The following FBXO16 variants were observed in gnomAD, a reference collection of about 807,000 sequenced individuals.
FBXO16 encodes the protein F-box protein 16, also known as F-box only protein 16.
FBXO16 carries 31 observed loss-of-function variants against 41.0 expected under a neutral mutation model. That is an observed-to-expected ratio of 0.76 (90% CI 0.57 to 1.02). The LOEUF (loss-of-function observed/expected upper bound fraction) is 1.02, where lower values mean the gene tolerates loss of function less well. Ranked by LOEUF, FBXO16 falls within the 50% of genes least tolerant of loss-of-function variation. The pLI, the probability that FBXO16 is intolerant of heterozygous loss-of-function variation, is 0.00. For missense variants in FBXO16, 361 were observed against 346.2 expected (o/e 1.04, Z -0.34); for synonymous variants, 133 against 117.8 (o/e 1.13, Z -0.84).
At position 28,488,973 on chromosome 8, in the gene FBXO16, C is replaced by T. The variant is rs529043409; in HGVS notation, c.-17+1213G>A. On this transcript the variant is annotated intron_variant, in intron 1 of 8. Coordinates refer to ENST00000380254, the MANE Select transcript of FBXO16 (RefSeq NM_172366.4). ...TTGGCTTATGTGGTTTTCTGATGCT[C>T]ACTGCTCACCTGAATCATCACAGTA... 2.1e-5 allele frequency among the ~76,000 whole-genome samples: 3 copies of T among 144,758 alleles called. No individual in the cohort carries two copies. The East Asian group carries it at 6.1e-4, about 30-fold the overall frequency. The allele number at this position is 144,758 out of a possible 152,430, so 95.0% of individuals were successfully genotyped here.
intron 2 of FBXO16, among the ~76,000 whole-genome samples, chr8:28,481,983 T>C (rs1189455203): frequency 6.6e-6 from 1 of 152,154 alleles, no homozygotes; most frequent in East Asian, 1.9e-4. Context: ...CTGGGCTCAC[T>C]GTTCCTCAGC....
chr8:28,448,340 CAAAAAAAAAAAA>C (rs56323338), intron 6 of FBXO16, among the ~76,000 whole-genome samples: 1 of 49,914 alleles, frequency 2.0e-5, no homozygotes, highest in African/African-American at 6.6e-5. Flanking sequence ...GACCCTAAAT[CAAAAAAAAAAAA>C]AAAAAAAAGA....
At chr8:28,463,300 GTGTT>G (rs1314988477) in intron 4 of FBXO16, among the ~76,000 whole-genome samples, 23 of 150,324 alleles carry the variant, frequency 1.5e-4, no homozygotes, top group South Asian at 2.1e-4. Flanking sequence ...ATGTTTGTGT[GTGTT>G]TGTGTGTGTG....
intron 7 of FBXO16, among the ~76,000 whole-genome samples, chr8:28,444,653 A>AT (rs201349940): frequency 0.08 from 11,745 of 147,416 alleles, 1,436 homozygotes; most frequent in African/African-American, 0.26. Context: ...AATTTTTTGT[A>AT]TTTTTTTTAG....
At chr8:28,466,572 A>C (rs1803245365) in intron 3 of FBXO16, among the ~76,000 whole-genome samples, 1 of 151,770 alleles carries the variant, frequency 6.6e-6, no homozygotes, top group South Asian at 2.1e-4. Flanking sequence ...TGGGTGGATC[A>C]CGAAGTCAGG....
chr8:28,460,223 GTGTATATA>G lies in FBXO16; in HGVS notation c.343-3301_343-3294del, dbSNP rs144349099. On this transcript the variant is annotated intron_variant, in intron 4 of 8. Coordinates refer to ENST00000380254, the MANE Select transcript of FBXO16 (RefSeq NM_172366.4). ...CATACAGTAACAAATATATATGTGT[GTGTATATA>G]TATATATATATATATTTTTTTTTTT... is the stretch of plus-strand genomic sequence containing the variant. Among the ~76,000 whole-genome samples, 120 of 89,784 alleles carry G rather than the reference GTGTATATA, an allele frequency of 1.3e-3. 2 individuals are homozygous for G. The highest frequency in any genetic ancestry group is 6.6e-3 in the African/African-American group (118 of 17,908). The allele number at this position is 89,784 out of a possible 152,430, so 58.9% of individuals were successfully genotyped here. A position where few individuals can be genotyped will look rare whatever the true frequency, so the allele number is the denominator to read the frequency against.
At chr8:28,441,288 C>CT (rs1428536272) in intron 7 of FBXO16, among the ~76,000 whole-genome samples, 1 of 152,164 alleles carries the variant, frequency 6.6e-6, no homozygotes, top group Non-Finnish European at 1.5e-5. Flanking sequence ...CCCCTAATCT[C>CT]TAGACCAGCA....
intron 4 of FBXO16, among the ~76,000 whole-genome samples, chr8:28,462,756 AAG>A (rs1385370692): frequency 6.6e-6 from 1 of 152,190 alleles, no homozygotes; most frequent in Non-Finnish European, 1.5e-5. Flanking sequence ...TTACTTGTAA[AAG>A]AAAAAAACAG....
chr8:28,475,798 CT>C (rs1803414382), intron 2 of FBXO16, among the ~76,000 whole-genome samples: 1 of 152,192 alleles, frequency 6.6e-6, no homozygotes, highest in Non-Finnish European at 1.5e-5. Context: ...AACCATTTTG[CT>C]GATTGACTAA....
intron 7 of FBXO16, among the ~76,000 whole-genome samples, chr8:28,442,949 G>T: frequency 6.6e-6 from 1 of 152,014 alleles, no homozygotes; most frequent in Admixed American, 6.5e-5. Context: ...GTAATGACAG[G>T]CAAAAAGGGA....
chr8:28,439,572 T>C (rs1318088153), intron 7 of FBXO16, among the ~76,000 whole-genome samples: 1 of 151,912 alleles, frequency 6.6e-6, no homozygotes, highest in Non-Finnish European at 1.5e-5. Flanking sequence ...ACCCTGTCTC[T>C]ACAAAAAATA....
chr8:28,429,250 T>G, intron 8 of FBXO16, 128 bp downstream of exon 8: 15 of 1,033,856 alleles, frequency 1.5e-5, no homozygotes, highest in Non-Finnish European at 2.0e-5. Context: ...CCCAAAGTGC[T>G]GAGATTATCA....
chr8:28,475,976 C>T (rs1803417187), intron 2 of FBXO16, among the ~76,000 whole-genome samples: 1 of 152,206 alleles, frequency 6.6e-6, no homozygotes, highest in Non-Finnish European at 1.5e-5. Flanking sequence ...TTCAGCTCAA[C>T]ACTGCACTTG....
Position 28,456,932 on chromosome 8 carries a change from T to C in FBXO16, c.343-2A>G. ...AAGGTTCTTCCAATGCCAGCACACC[T>C]GGAAAAACAATTACAATTAAACAAA... is the stretch of plus-strand genomic sequence containing the variant. On this transcript the variant is annotated splice_acceptor_variant, in intron 4 of 8. Transcript: ENST00000380254. LOFTEE classifies it high-confidence loss of function. The C allele has an allele frequency of 6.2e-7, 1 of 1,610,300 alleles. No individual in the cohort carries two copies. The highest frequency in any genetic ancestry group is 1.7e-4 in the Middle Eastern group (1 of 6,032).
chr8:28,469,170 G>A (rs1803291744), intron 3 of FBXO16, among the ~76,000 whole-genome samples: 1 of 152,092 alleles, frequency 6.6e-6, no homozygotes, highest in South Asian at 2.1e-4. Context: ...AAAATTAGCT[G>A]GGCATGGTGG....
chr8:28,476,421 C>T (rs1275535704), intron 2 of FBXO16, among the ~76,000 whole-genome samples: 1 of 152,180 alleles, frequency 6.6e-6, no homozygotes, highest in Admixed American at 6.6e-5. Context: ...TCATTTTGGG[C>T]AGATAATTTT....
intron 3 of FBXO16, among the ~76,000 whole-genome samples, chr8:28,470,979 T>C (rs1250725250): frequency 1.3e-5 from 2 of 152,218 alleles, no homozygotes; most frequent in Admixed American, 1.3e-4. Context: ...ATTATTTATA[T>C]TAGCAACAGA....
chr8:28,473,744 T>C (rs771889421), intron 3 of FBXO16, 28 bp downstream of exon 3: 8 of 1,580,508 alleles, frequency 5.1e-6, no homozygotes, highest in Non-Finnish European at 6.9e-6. Flanking sequence ...CATAACATAA[T>C]GCAAAAATAG....
intron 7 of FBXO16, among the ~76,000 whole-genome samples, chr8:28,443,668 A>C (rs542695473): frequency 6.6e-6 from 1 of 152,224 alleles, no homozygotes; most frequent in South Asian, 2.1e-4. Context: ...ACTGGGCTTC[A>C]CTCCCAGACG....
Sources: allele counts gnomAD v4.1 joint callset (sites outside exome capture counted in the v4.1 genomes callset), GRCh38; gene constraint gnomAD v4.1.1; transcripts MANE v1.5; gene names NCBI Gene and HGNC (gene_info 2026-07-23, HGNC 2026-07-21).